Variants in MCUR1 observed in about 807,000 individuals in gnomAD.
MCUR1 encodes the protein mitochondrial calcium uniporter regulator 1, also known as MCU regulator 1.
A neutral mutation model predicts 42.0 loss-of-function variants in MCUR1; 37 were observed. That is an observed-to-expected ratio of 0.88 (90% CI 0.68 to 1.16). The LOEUF (loss-of-function observed/expected upper bound fraction) is 1.16. MCUR1 is among the 50% of genes most tolerant of loss of function. The pLI is 0.00. For missense variants in MCUR1, 469 were observed against 468.4 expected (o/e 1.00, Z -0.01); for synonymous variants, 229 against 196.2 (o/e 1.17, Z -1.40).
In MCUR1 at chr6:13,787,318, G is replaced by A. The variant is rs1347656125; in HGVS notation, c.*3491C>T. On this transcript the variant is annotated 3_prime_UTR_variant, in exon 9 of 9. Coordinates refer to ENST00000379170, the MANE Select transcript of MCUR1 (RefSeq NM_001031713.4). The stretch of plus-strand genomic sequence containing the variant: ...AGAGACGAATTCCAGCAAGACTTCT[G>A]GTTTGAGTCAAGCCTTTCAACCGAG... The A allele has an allele frequency of 6.6e-6, 1 of 152,140 alleles. No homozygotes were observed. Among genetic ancestry groups the A allele is most frequent in the South Asian group, 2.1e-4 (1 of 4,828 alleles). 9.4% of individuals were successfully genotyped at this position (152,140 alleles called of 1,614,324 possible).
chr6:13,796,868 T>C (rs1759868435), intron 6 of MCUR1, among the ~76,000 whole-genome samples: 1 of 152,240 alleles, frequency 6.6e-6, no homozygotes, highest in Admixed American at 6.5e-5. Context: ...GTCATTTTCC[T>C]ATATCAAGTG....
chr6:13,814,277 C>CA lies in MCUR1; in HGVS notation c.152_153insT (p.Leu52AlafsTer187). On this transcript the variant is annotated frameshift_variant, in exon 1 of 9. Coordinates refer to ENST00000379170, the MANE Select transcript of MCUR1 (RefSeq NM_001031713.4). LOFTEE classifies it high-confidence loss of function. ...GGGCCGCCGGGGCGCGAGGGCGCAGCGCCCCCAGACCGTCGGAGAGCGCAG... is the reference window on the plus strand; with the variant it reads ...GGGCCGCCGGGGCGCGAGGGCGCAGCAGCCCCCAGACCGTCGGAGAGCGCAG... 1.4e-6 allele frequency: 2 copies of CA among 1,479,166 alleles called. No homozygotes were observed. Among genetic ancestry groups the CA allele is most frequent in the South Asian group, 2.5e-5 (2 of 78,696 alleles). The allele number at this position is 1,479,166 out of a possible 1,614,324, so 91.6% of individuals were successfully genotyped here.
rs1008693505 is a variant in MCUR1 at position 13,790,698 on chromosome 6, C to G, written c.*111G>C. On this transcript the variant is annotated 3_prime_UTR_variant, in exon 9 of 9. Transcript: ENST00000379170. ...GAACTCCTGACCTCAGGTAATCCAC[C>G]TGCCTCAGCCTCCCAAAGTGCTGGA... The G allele has an allele frequency of 4.2e-6, 3 of 710,768 alleles. No individual in the cohort carries two copies. Among genetic ancestry groups the G allele is most frequent in the Non-Finnish European group, 7.1e-6 (3 of 423,594 alleles). The allele number at this position is 710,768 out of a possible 1,614,324, so 44.0% of individuals were successfully genotyped here. A position where few individuals can be genotyped will look rare whatever the true frequency, so the allele number is the denominator to read the frequency against.
intron 6 of MCUR1, among the ~76,000 whole-genome samples, chr6:13,796,313 G>T (rs1193232379): frequency 2.7e-5 from 4 of 145,702 alleles, no homozygotes; most frequent in Admixed American, 6.7e-5. Flanking sequence ...TTTGAGACAG[G>T]GTCTCACTCT....
chr6:13,795,787 C>A (rs1296220017), intron 6 of MCUR1, among the ~76,000 whole-genome samples: 1 of 152,042 alleles, frequency 6.6e-6, no homozygotes, highest in Non-Finnish European at 1.5e-5. Flanking sequence ...GTACAGTGTA[C>A]GCTGCTAGGG....
intron 2 of MCUR1, among the ~76,000 whole-genome samples, chr6:13,806,587 A>T (rs1451141100): frequency 6.6e-6 from 1 of 152,214 alleles, no homozygotes; most frequent in African/African-American, 2.4e-5. Flanking sequence ...ACTTAAAAAA[A>T]TGGAGATTAA....
chr6:13,799,413 G>C lies in MCUR1; in HGVS notation c.784-509C>G, dbSNP rs181358678. ...TTGGTCAGGCTGGTGTTGAACTCCTGACCTTGTGATCTACCCACCTCAGCC... is the reference window on the plus strand; with the variant it reads ...TTGGTCAGGCTGGTGTTGAACTCCTCACCTTGTGATCTACCCACCTCAGCC... On this transcript the variant is annotated intron_variant, in intron 5 of 8. Transcript: ENST00000379170. Among the ~76,000 whole-genome samples the C allele has an allele frequency of 1.9e-3, 288 of 152,266 alleles. 1 individual carries two copies. The highest frequency in any genetic ancestry group is 6.7e-3 in the African/African-American group (279 of 41,544).
At position 13,800,235 on chromosome 6, in the gene MCUR1, A is replaced by G. The variant is rs1759960863; in HGVS notation, c.783+106T>C. 3.9e-6 allele frequency: 3 copies of G among 768,588 alleles called. No individual in the cohort carries two copies. The Admixed American group carries it at 9.1e-5, about 23-fold the overall frequency. 47.6% of individuals were successfully genotyped at this position (768,588 alleles called of 1,614,324 possible). ...TACTTTTGAGGCATATTACACAAACATTTCACAAAGAATTAAGTTTTTAAA... is the reference window on the plus strand; with the variant it reads ...TACTTTTGAGGCATATTACACAAACGTTTCACAAAGAATTAAGTTTTTAAA... On this transcript the variant is annotated intron_variant, in intron 5 of 8. Coordinates refer to ENST00000379170, the MANE Select transcript of MCUR1 (RefSeq NM_001031713.4).
chr6:13,801,176 T>C (rs1561732733), intron 4 of MCUR1, 112 bp downstream of exon 4: 2 of 747,118 alleles, frequency 2.7e-6, no homozygotes, highest in East Asian at 5.3e-5. Flanking sequence ...AAGTGCACAC[T>C]GTTTGAAAAT....
At chr6:13,799,261 C>T (rs184501652) in intron 5 of MCUR1, among the ~76,000 whole-genome samples, 75 of 151,582 alleles carry the variant, frequency 4.9e-4, no homozygotes, top group Non-Finnish European at 5.3e-4. Context: ...TCTCTGCTCA[C>T]GCAACTTCTG....
chr6:13,792,084 G>T, intron 7 of MCUR1, 92 bp from the exon 8 acceptor site: 1 of 893,502 alleles, frequency 1.1e-6, no homozygotes. Context: ...TGCAGTCACA[G>T]GGAAACCTGG....
chr6:13,790,464 G>GT lies in MCUR1; in HGVS notation c.*344dup, dbSNP rs572005349. 0.048 allele frequency: 6,846 copies of GT among 142,582 alleles called. 221 individuals carry two copies. Among genetic ancestry groups the GT allele is most frequent in the African/African-American group, 0.098 (3,818 of 39,058 alleles). The allele number at this position is 142,582 out of a possible 1,614,324, so 8.8% of individuals were successfully genotyped here. ...AAAAGGACAACAATCTGGTATTCCG[G>GT]TTTTTTTTTTTTTTTTGAGACGGAG... On this transcript the variant is annotated 3_prime_UTR_variant, in exon 9 of 9. Coordinates refer to ENST00000379170, the MANE Select transcript of MCUR1 (RefSeq NM_001031713.4).
chr6:13,787,627 G>A lies in MCUR1; in HGVS notation c.*3182C>T, dbSNP rs1759631952. On this transcript the variant is annotated 3_prime_UTR_variant, in exon 9 of 9. Transcript: ENST00000379170. Reference sequence around the variant, plus strand: ...TGATGAGTGATTCGTGCAGGAGAGGGAAATACAGACGTTCCGTCCATGTGA... The same window carrying A: ...TGATGAGTGATTCGTGCAGGAGAGGAAAATACAGACGTTCCGTCCATGTGA... 1 of 152,156 alleles carries A rather than the reference G, an allele frequency of 6.6e-6. No individual in the cohort carries two copies. The highest frequency in any genetic ancestry group is 2.4e-5 in the African/African-American group (1 of 41,414). 9.4% of individuals were successfully genotyped at this position (152,156 alleles called of 1,614,324 possible).
rs1759675851 is a variant in MCUR1 at position 13,789,406 on chromosome 6, A to G, written c.*1403T>C. On this transcript the variant is annotated 3_prime_UTR_variant, in exon 9 of 9. Coordinates refer to ENST00000379170, the MANE Select transcript of MCUR1 (RefSeq NM_001031713.4). ...CAGTGCGAGACTCCGTCTCAAAAAAAAAAAAAAGGTGAGAATGTGCTTTTC... is the reference window on the plus strand; with the variant it reads ...CAGTGCGAGACTCCGTCTCAAAAAAGAAAAAAAGGTGAGAATGTGCTTTTC... 2 of 152,250 alleles carry G rather than the reference A, an allele frequency of 1.3e-5. No individual in the cohort carries two copies. The highest frequency in any genetic ancestry group is 4.1e-4 in the South Asian group (2 of 4,832). The allele number at this position is 152,250 out of a possible 1,614,324, so 9.4% of individuals were successfully genotyped here. A position where few individuals can be genotyped will look rare whatever the true frequency, so the allele number is the denominator to read the frequency against.
At chr6:13,803,676 A>C in intron 2 of MCUR1, 3 of 804,162 alleles carry the variant, frequency 3.7e-6, no homozygotes, top group Non-Finnish European at 4.2e-6. Context: ...AAATTCTTTA[A>C]TTTTTCAACA....
In MCUR1 at chr6:13,789,362, A is replaced by ATGCACTCCAGCCCTGCGACAG. The variant is rs1759674555; in HGVS notation, c.*1426_*1446dup. ...GTTGCAGTGAGCAGAGATCACGACAATGCACTCCAGCCCTGCGACAGTGCG... is the reference window on the plus strand; with the variant it reads ...GTTGCAGTGAGCAGAGATCACGACAATGCACTCCAGCCCTGCGACAGTGCACTCCAGCCCTGCGACAGTGCG... On this transcript the variant is annotated 3_prime_UTR_variant, in exon 9 of 9. Transcript: ENST00000379170. The ATGCACTCCAGCCCTGCGACAG allele has an allele frequency of 6.6e-6, 1 of 152,032 alleles. No homozygotes were observed. The highest frequency in any genetic ancestry group is 1.9e-4 in the East Asian group (1 of 5,188). 9.4% of individuals were successfully genotyped at this position (152,032 alleles called of 1,614,324 possible).
chr6:13,793,125 C>CAAA lies in MCUR1; in HGVS notation c.909+766_909+768dup, dbSNP rs781438643. ...TGGGTGACAGAGCGAGACCCCACCT[C>CAAA]AAAAAAAAAAAAAAAAAAAAAGAAA... On this transcript the variant is annotated intron_variant, in intron 7 of 8. Transcript: ENST00000379170. Among the ~76,000 whole-genome samples the CAAA allele has an allele frequency of 1.8e-3, 159 of 87,766 alleles. 2 individuals carry two copies. The highest frequency in any genetic ancestry group is 2.6e-3 in the African/African-American group (58 of 21,996). The allele number at this position is 87,766 out of a possible 152,430, so 57.6% of individuals were successfully genotyped here.
chr6:13,804,814 A>AAAAAAAAG (rs1230089057), intron 2 of MCUR1, among the ~76,000 whole-genome samples: 6 of 148,910 alleles, frequency 4.0e-5, no homozygotes, highest in African/African-American at 1.5e-4. Context: ...AAAAAAAAAA[A>AAAAAAAAG]GTGGAAGTCT....
At chr6:13,813,845 G>C (rs1322725657) in intron 1 of MCUR1, among the ~76,000 whole-genome samples, 170 bp downstream of exon 1, 2 of 152,196 alleles carry the variant, frequency 1.3e-5, no homozygotes, top group African/African-American at 4.8e-5. Context: ...CCGCGGCCGA[G>C]CAGGGCGGGC....
Sources: allele counts gnomAD v4.1 joint callset (sites outside exome capture counted in the v4.1 genomes callset), GRCh38; gene constraint gnomAD v4.1.1; transcripts MANE v1.5; gene names NCBI Gene and HGNC (gene_info 2026-07-23, HGNC 2026-07-21).